Variants in CNTN1 observed in about 807,000 individuals in gnomAD.
CNTN1 encodes the protein contactin-1.
In CNTN1, 38 loss-of-function variants were observed where a neutral mutation model predicts 126.4. That is an observed-to-expected ratio of 0.30 (90% CI 0.23 to 0.39). The LOEUF is 0.39. Among genes scored for constraint, CNTN1 ranks in the 10% least tolerant of loss-of-function variants. The pLI, the probability that CNTN1 is intolerant of heterozygous loss-of-function variation, is 1.00. For synonymous variants in CNTN1, 413 were observed against 422.6 expected, an observed-to-expected ratio of 0.98 and a Z score of 0.28; for missense variants, 1,009 against 1,248.4, an observed-to-expected ratio of 0.81 and a Z score of 2.89.
In CNTN1 at chr12:40,865,655, T is replaced by C. The variant is rs138729609; in HGVS notation, c.-76-42702T>C. ...CCATAAGGGTAAAGGCTTATTTCCA[T>C]ACTCTGAATTCTGTCCTATTGATCT... On this transcript the variant is annotated intron_variant, in intron 1 of 23. Coordinates refer to ENST00000551295, the MANE Select transcript of CNTN1 (RefSeq NM_001843.4). Among the ~76,000 whole-genome samples the C allele has an allele frequency of 3.2e-4, 49 of 152,196 alleles. No individual in the cohort carries two copies. In the East Asian group the frequency reaches 7.7e-3, roughly 24 times the overall value.
At chr12:40,911,045 G>C (rs1945005666) in intron 3 of CNTN1, among the ~76,000 whole-genome samples, 1 of 152,142 alleles carries the variant, frequency 6.6e-6, no homozygotes, top group African/African-American at 2.4e-5. Flanking sequence ...GGAGGCCTCA[G>C]AATTACGGCA....
intron 1 of CNTN1, among the ~76,000 whole-genome samples, chr12:40,725,403 A>C (rs1331758584): frequency 1.6e-5 from 1 of 63,494 alleles, no homozygotes; most frequent in Non-Finnish European, 3.2e-5. Context: ...CTCTGTCTCA[A>C]AAAAAAAAAA....
chr12:40,873,589 T>A (rs1424349035), intron 1 of CNTN1, among the ~76,000 whole-genome samples: 4 of 152,188 alleles, frequency 2.6e-5, no homozygotes, highest in Non-Finnish European at 5.9e-5. Context: ...TTTAGTGTGT[T>A]AGGCCAAAGG....
At chr12:40,847,439 T>G (rs1942553483) in intron 1 of CNTN1, among the ~76,000 whole-genome samples, 1 of 152,166 alleles carries the variant, frequency 6.6e-6, no homozygotes, top group Non-Finnish European at 1.5e-5. Context: ...CCCCTTGTAT[T>G]TCAATTGCAA....
intron 1 of CNTN1, among the ~76,000 whole-genome samples, chr12:40,846,407 G>A (rs139178977): frequency 1.3e-5 from 2 of 152,330 alleles, no homozygotes; most frequent in African/African-American, 2.4e-5. Flanking sequence ...GGCGGAGCCT[G>A]CAGTGAGCCG....
intron 1 of CNTN1, among the ~76,000 whole-genome samples, chr12:40,903,242 G>A (rs561856254): frequency 6.6e-6 from 1 of 152,280 alleles, no homozygotes; most frequent in Non-Finnish European, 1.5e-5. Context: ...GGCTCTGAAG[G>A]CTGACACGTT....
At chr12:40,995,672 A>G (rs1337471837) in intron 17 of CNTN1, among the ~76,000 whole-genome samples, 3 of 152,192 alleles carry the variant, frequency 2.0e-5, no homozygotes, top group Non-Finnish European at 4.4e-5. Context: ...AGCCAAGGCC[A>G]AAAGCAAACA....
intron 20 of CNTN1, among the ~76,000 whole-genome samples, chr12:41,023,054 T>G (rs763456989): frequency 7.9e-5 from 12 of 152,056 alleles, no homozygotes; most frequent in Admixed American, 3.9e-4. Flanking sequence ...CTGACTATAA[T>G]GTGGTTATTG....
At chr12:40,701,115 A>T (rs1941583620) in intron 1 of CNTN1, among the ~76,000 whole-genome samples, 1 of 152,210 alleles carries the variant, frequency 6.6e-6, no homozygotes, top group Admixed American at 6.5e-5. Flanking sequence ...ACGGTTTAAA[A>T]TGCTGCTATT....
In CNTN1 at chr12:40,871,918, A is replaced by T. The variant is rs548496779; in HGVS notation, c.-76-36439A>T. ...ATCTGGTTTATTGAGTGATTTCTAG[A>T]AATGGAAGGTATTTCTATTTTCCTA... is the stretch of plus-strand genomic sequence containing the variant. On this transcript the variant is annotated intron_variant, in intron 1 of 23. Coordinates refer to ENST00000551295, the MANE Select transcript of CNTN1 (RefSeq NM_001843.4). Among the ~76,000 whole-genome samples the T allele has an allele frequency of 2.7e-5, 4 of 149,568 alleles. No individual in the cohort carries two copies. The East Asian group carries it at 7.7e-4, about 29-fold the overall frequency.
At chr12:40,953,593 G>A (rs1436468080) in intron 14 of CNTN1, among the ~76,000 whole-genome samples, 1 of 152,026 alleles carries the variant, frequency 6.6e-6, no homozygotes, top group Non-Finnish European at 1.5e-5. Context: ...CATTACAGTT[G>A]CTTCTTACTG....
chr12:40,806,367 ATTTG>A (rs989705590), intron 1 of CNTN1, among the ~76,000 whole-genome samples: 2 of 151,928 alleles, frequency 1.3e-5, no homozygotes, highest in Non-Finnish European at 2.9e-5. Context: ...GTGTGGTTTT[ATTTG>A]TTTGTTTGTT....
At chr12:40,818,979 C>T (rs1230786687) in intron 1 of CNTN1, among the ~76,000 whole-genome samples, 1 of 152,058 alleles carries the variant, frequency 6.6e-6, no homozygotes, top group Non-Finnish European at 1.5e-5. Flanking sequence ...CGCTTCAGGC[C>T]TTATTCATCT....
chr12:40,781,029 A>T (rs1025918463), intron 1 of CNTN1, among the ~76,000 whole-genome samples: 2 of 151,910 alleles, frequency 1.3e-5, no homozygotes, highest in Non-Finnish European at 2.9e-5. Flanking sequence ...TGTTAGCAAG[A>T]GGTATCTCAT....
intron 23 of CNTN1, among the ~76,000 whole-genome samples, chr12:41,046,100 G>C (rs1449199296): frequency 6.6e-6 from 1 of 152,014 alleles, no homozygotes. Context: ...GAATCTTTAG[G>C]ATATCAACAT....
intron 1 of CNTN1, among the ~76,000 whole-genome samples, chr12:40,777,121 C>T (rs1034842221): frequency 4.6e-5 from 7 of 151,662 alleles, no homozygotes; most frequent in Non-Finnish European, 8.9e-5. Flanking sequence ...ACATTTCTCA[C>T]TAAACCTTAA....
intron 1 of CNTN1, among the ~76,000 whole-genome samples, chr12:40,763,608 G>A (rs1938952542): frequency 6.6e-6 from 1 of 152,122 alleles, no homozygotes; most frequent in African/African-American, 2.4e-5. Flanking sequence ...TGAGGCTAAA[G>A]AAAGGAGAAG....
At chr12:40,801,928 G>A (rs1940670987) in intron 1 of CNTN1, among the ~76,000 whole-genome samples, 1 of 151,592 alleles carries the variant, frequency 6.6e-6, no homozygotes, top group African/African-American at 2.4e-5. Context: ...AGATTATGAG[G>A]GCTCGAACTT....
chr12:40,931,951 G>A (rs1945901141), intron 7 of CNTN1, among the ~76,000 whole-genome samples: 2 of 151,888 alleles, frequency 1.3e-5, no homozygotes, highest in South Asian at 4.1e-4. Context: ...TGTTTTCACT[G>A]TAACTATGCC....
Sources: gnomAD v4.1 joint callset for allele counts (sites outside exome capture counted in the v4.1 genomes callset) on GRCh38, gnomAD v4.1.1 for gene constraint, MANE v1.5 for transcripts, NCBI Gene and HGNC (gene_info 2026-07-23, HGNC 2026-07-21) for gene names.